ADAMTS19: variants seen among roughly 807,000 people sequenced by gnomAD.
ADAMTS19 encodes the protein ADAM metallopeptidase with thrombospondin type 1 motif 19.
ADAMTS19 carries 93 observed loss-of-function variants against 153.3 expected under a neutral mutation model. The ratio of observed to expected loss-of-function variants is 0.61; its 90% CI spans 0.51 to 0.72. The LOEUF is 0.72. ADAMTS19 is among the 30% of genes least tolerant of loss of function. ADAMTS19 has a pLI of 0.00. For missense variants in ADAMTS19, 1,482 were observed against 1,552.1 expected (o/e 0.95, Z 0.76); for synonymous variants, 600 against 556.6 (o/e 1.08, Z -1.10).
intron 5 of ADAMTS19, 82 bp downstream of exon 5, chr5:129,527,913 G>C: frequency 1.1e-6 from 1 of 883,002 alleles, no homozygotes; most frequent in South Asian, 1.7e-5. Context: ...GAATGTTAAG[G>C]ATGTGCTTAA....
rs1310633387 is a variant in ADAMTS19, at chr5:129,545,904, A to T, written c.1329-5960A>T. On this transcript the variant is annotated intron_variant, in intron 6 of 22. Transcript: ENST00000274487. ...TTACTGGGTATATACCCAAAGGACT[A>T]TAAATCATGCTGCTATAAAGACACA... Among the ~76,000 whole-genome samples, 33 of 149,830 alleles carry T rather than the reference A, an allele frequency of 2.2e-4. 1 individual carries two copies. The highest frequency in any genetic ancestry group is 7.6e-4 in the African/African-American group (30 of 39,588).
At chr5:129,509,586 C>G (rs1340975176) in intron 3 of ADAMTS19, among the ~76,000 whole-genome samples, 2 of 151,972 alleles carry the variant, frequency 1.3e-5, no homozygotes, top group African/African-American at 4.8e-5. Flanking sequence ...ACTGTGAGCT[C>G]AAAGCCTTAA....
chr5:129,613,054 A>T (rs1751312918), intron 8 of ADAMTS19, among the ~76,000 whole-genome samples: 1 of 152,228 alleles, frequency 6.6e-6, no homozygotes, highest in Non-Finnish European at 1.5e-5. Flanking sequence ...TTAGAGACCT[A>T]CAAAGAGACT....
intron 10 of ADAMTS19, among the ~76,000 whole-genome samples, chr5:129,636,488 C>T (rs918038224): frequency 6.6e-6 from 1 of 152,024 alleles, no homozygotes; most frequent in Non-Finnish European, 1.5e-5. Flanking sequence ...TTTTTATTCC[C>T]TTTCTTTAAC....
rs918108879 is a variant in ADAMTS19 at position 129,593,256 on chromosome 5, A to T, written c.1373-3303A>T. 3.9e-5 allele frequency among the ~76,000 whole-genome samples: 6 copies of T among 152,202 alleles called. No individual in the cohort carries two copies. In the South Asian group the frequency reaches 1.2e-3, roughly 32 times the overall value. On this transcript the variant is annotated intron_variant, in intron 7 of 22. Coordinates refer to ENST00000274487, the MANE Select transcript of ADAMTS19 (RefSeq NM_133638.6). ...AAAGCTGTGATTGATCTTGATTCTC[A>T]CCCACATTTCTTATGGATGTTGGCC... is the stretch of plus-strand genomic sequence containing the variant.
At chr5:129,522,316 T>TACACACACACACACACAC (rs1186259435) in intron 3 of ADAMTS19, among the ~76,000 whole-genome samples, 38 of 91,928 alleles carry the variant, frequency 4.1e-4, no homozygotes, top group African/African-American at 1.8e-3. Flanking sequence ...TATATATATA[T>TACACACACACACACACAC]ACACACACAC....
intron 7 of ADAMTS19, among the ~76,000 whole-genome samples, chr5:129,571,849 T>G (rs1283048169): frequency 1.3e-5 from 2 of 151,634 alleles, no homozygotes; most frequent in African/African-American, 2.4e-5. Flanking sequence ...CAGAAATAGA[T>G]CCACACAAAT....
intron 10 of ADAMTS19, among the ~76,000 whole-genome samples, chr5:129,629,068 T>C (rs1752177694): frequency 6.6e-6 from 1 of 152,092 alleles, no homozygotes; most frequent in Admixed American, 6.6e-5. Context: ...CTAAGTGCTA[T>C]ACAAAACAAA....
chr5:129,717,778 T>A (rs764112548), intron 21 of ADAMTS19, among the ~76,000 whole-genome samples: 21 of 152,202 alleles, frequency 1.4e-4, no homozygotes, highest in Non-Finnish European at 2.2e-4. Context: ...ATAAGTTAAA[T>A]ATAGCTATAA....
Position 129,702,941 on chromosome 5 carries a change from A to AAAAAAAAAAAT in ADAMTS19, c.3160-1297_3160-1296insAAAAAAAAATA. 2.9e-3 allele frequency among the ~76,000 whole-genome samples: 86 copies of AAAAAAAAAAAT among 29,258 alleles called. 1 individual carries two copies. The highest frequency in any genetic ancestry group is 6.8e-3 in the African/African-American group (80 of 11,688). The allele number at this position is 29,258 out of a possible 152,430, so 19.2% of individuals were successfully genotyped here. A position where few individuals can be genotyped will look rare whatever the true frequency, so the allele number is the denominator to read the frequency against. Reference sequence around the variant, plus strand: ...TAGTTTGACTTGCCAAAAAAAAAAAAATATATATATATATATATATATATA... The same window carrying AAAAAAAAAAAT: ...TAGTTTGACTTGCCAAAAAAAAAAAAAAAAAAAAAATATATATATATATATATATATATATA... On this transcript the variant is annotated intron_variant, in intron 20 of 22. Coordinates refer to ENST00000274487, the MANE Select transcript of ADAMTS19 (RefSeq NM_133638.6).
At chr5:129,530,179 T>C (rs150940492) in intron 6 of ADAMTS19, among the ~76,000 whole-genome samples, 276 of 152,196 alleles carry the variant, frequency 1.8e-3, no homozygotes, top group African/African-American at 5.3e-3. Flanking sequence ...ATAATAAAAA[T>C]TAGTCAAGCA....
chr5:129,674,650 T>TAA (rs1754476606), intron 16 of ADAMTS19, among the ~76,000 whole-genome samples: 1 of 152,202 alleles, frequency 6.6e-6, no homozygotes. Context: ...ACTTTATATA[T>TAA]AATGTAAGCT....
chr5:129,639,493 C>T (rs1752698790), intron 10 of ADAMTS19, among the ~76,000 whole-genome samples: 1 of 152,058 alleles, frequency 6.6e-6, no homozygotes, highest in African/African-American at 2.4e-5. Context: ...TCTACGTGAC[C>T]ATGCTTCTTT....
At chr5:129,532,145 T>G (rs1333296610) in intron 6 of ADAMTS19, among the ~76,000 whole-genome samples, 1 of 152,018 alleles carries the variant, frequency 6.6e-6, no homozygotes, top group Non-Finnish European at 1.5e-5. Flanking sequence ...CAAGAAATAT[T>G]GACAATCATC....
chr5:129,602,305 G>T (rs1249856186), intron 8 of ADAMTS19, among the ~76,000 whole-genome samples: 7 of 152,104 alleles, frequency 4.6e-5, no homozygotes, highest in Non-Finnish European at 7.4e-5. Flanking sequence ...TGGTCGGGCT[G>T]GTCGTGAACT....
At position 129,673,946 on chromosome 5, in the gene ADAMTS19, A is replaced by G. The variant is rs937563124; in HGVS notation, c.2507-5818A>G. ...CATGGTATCCATTAATAATATGGCC[A>G]TTGGCCGGGGACGGTAACTCACGCC... On this transcript the variant is annotated intron_variant, in intron 16 of 22. Transcript: ENST00000274487. Among the ~76,000 whole-genome samples, 5 of 152,156 alleles carry G rather than the reference A, an allele frequency of 3.3e-5. No homozygotes were observed. The South Asian group carries it at 1.0e-3, about 32-fold the overall frequency.
intron 18 of ADAMTS19, among the ~76,000 whole-genome samples, chr5:129,689,388 G>A (rs549538627): frequency 6.6e-6 from 1 of 152,164 alleles, no homozygotes; most frequent in African/African-American, 2.4e-5. Context: ...TATTTAACAG[G>A]AAAGAACATC....
chr5:129,705,012 C>A (rs1192709793), intron 21 of ADAMTS19, among the ~76,000 whole-genome samples: 1 of 152,158 alleles, frequency 6.6e-6, no homozygotes, highest in Non-Finnish European at 1.5e-5. Context: ...CTGACCTGTT[C>A]ATTCTATGAA....
intron 3 of ADAMTS19, among the ~76,000 whole-genome samples, chr5:129,512,994 A>G (rs1484336365): frequency 6.6e-6 from 1 of 151,930 alleles, no homozygotes; most frequent in African/African-American, 2.4e-5. Flanking sequence ...GATTAATTCC[A>G]AAGTGTCTCC....
Sources: allele counts gnomAD v4.1 joint callset (sites outside exome capture counted in the v4.1 genomes callset), GRCh38; gene constraint gnomAD v4.1.1; transcripts MANE v1.5; gene names NCBI Gene and HGNC (gene_info 2026-07-23, HGNC 2026-07-21).